Variants in AKAP6 observed in about 807,000 individuals in gnomAD.
AKAP6 encodes the protein A-kinase anchor protein 6.
In AKAP6, 58 loss-of-function variants were observed where a neutral mutation model predicts 188.5. The observed-to-expected ratio is 0.31, with a 90% confidence interval of 0.25 to 0.38. The LOEUF is 0.38. Among genes scored for constraint, AKAP6 ranks in the 10% least tolerant of loss-of-function variants. The pLI, the probability that AKAP6 is intolerant of heterozygous loss-of-function variation, is 1.00. For synonymous variants in AKAP6, 989 were observed against 998.6 expected (o/e 0.99, Z 0.18); for missense variants, 2,710 against 2,740.0 (o/e 0.99, Z 0.24).
At chr14:32,794,041 G>T (rs1445151612) in intron 12 of AKAP6, among the ~76,000 whole-genome samples, 1 of 152,162 alleles carries the variant, frequency 6.6e-6, no homozygotes, top group Non-Finnish European at 1.5e-5. Flanking sequence ...CAAAACAACA[G>T]AATATACATT....
At chr14:32,575,184 C>A (rs1457701016) in intron 4 of AKAP6, among the ~76,000 whole-genome samples, 3 of 152,070 alleles carry the variant, frequency 2.0e-5, no homozygotes, top group Non-Finnish European at 4.4e-5. Flanking sequence ...AAGCAACTCT[C>A]AAATTTATGC....
intron 7 of AKAP6, among the ~76,000 whole-genome samples, chr14:32,629,600 C>T: frequency 6.6e-6 from 1 of 151,368 alleles, no homozygotes; most frequent in Admixed American, 6.6e-5. Flanking sequence ...GAGGGGCCAA[C>T]CCTAAGCTTT....
chr14:32,808,689 T>A (rs1336514971), intron 12 of AKAP6, among the ~76,000 whole-genome samples: 1 of 152,224 alleles, frequency 6.6e-6, no homozygotes, highest in Non-Finnish European at 1.5e-5. Flanking sequence ...CCGTTTTTTT[T>A]CTTTCTGAGC....
intron 2 of AKAP6, among the ~76,000 whole-genome samples, chr14:32,528,462 C>A (rs553684775): frequency 2.0e-5 from 3 of 152,194 alleles, no homozygotes; most frequent in African/African-American, 7.2e-5. Flanking sequence ...GCCTTTGCTC[C>A]TTTGTCAAAG....
intron 7 of AKAP6, among the ~76,000 whole-genome samples, chr14:32,628,534 G>A (rs894040481): frequency 6.6e-6 from 1 of 151,952 alleles, no homozygotes; most frequent in African/African-American, 2.4e-5. Context: ...CTGGACCACT[G>A]AAAGGTTTAG....
At chr14:32,454,576 C>T (rs1054077556) in intron 2 of AKAP6, among the ~76,000 whole-genome samples, 25 of 152,136 alleles carry the variant, frequency 1.6e-4, no homozygotes, top group Middle Eastern at 3.2e-3. Flanking sequence ...AGGACTAATG[C>T]TGGAGCAGAC....
intron 12 of AKAP6, among the ~76,000 whole-genome samples, chr14:32,809,150 C>G (rs1446572267): frequency 6.6e-6 from 1 of 152,182 alleles, no homozygotes; most frequent in East Asian, 1.9e-4. Flanking sequence ...GCTGAGAAAG[C>G]TGGCGCATTT....
intron 2 of AKAP6, among the ~76,000 whole-genome samples, chr14:32,519,266 C>T (rs1881690648): frequency 6.6e-6 from 1 of 152,160 alleles, no homozygotes; most frequent in South Asian, 2.1e-4. Context: ...ACCATTGAGG[C>T]TAGGAAGTAA....
chr14:32,811,426 A>C (rs1456538090), intron 12 of AKAP6, among the ~76,000 whole-genome samples: 1 of 152,152 alleles, frequency 6.6e-6, no homozygotes, highest in Non-Finnish European at 1.5e-5. Flanking sequence ...AAACAAGAAC[A>C]GTAATGACAT....
At chr14:32,718,226 A>G in intron 9 of AKAP6, 1 of 934,678 alleles carries the variant, frequency 1.1e-6, no homozygotes, top group Non-Finnish European at 1.3e-6. Context: ...TAATATTACT[A>G]ACTTTCCCCA....
At position 32,823,125 on chromosome 14, in the gene AKAP6, A is replaced by G; in HGVS notation, c.5312A>G (p.Lys1771Arg). ...LTLTEEELCIKDEDDDSSIAT... is the reference protein window; with the variant it reads ...LTLTEEELCIRDEDDDSSIAT... ...TTGACTGAAGAAGAGCTGTGCATCA[A>G]AGATGAGGATGACGACTCCAGTATT... is the stretch of plus-strand genomic sequence containing the variant. Residue 1771 changes from lysine to arginine, a missense_variant, in exon 13 of 14, where the codon AAA becomes AGA. Lys to Arg is a conservative substitution (Grantham distance 26, BLOSUM62 2). Transcript: ENST00000280979. 1 of 1,613,798 alleles carries G rather than the reference A, an allele frequency of 6.2e-7. No homozygotes were observed. The highest frequency in any genetic ancestry group is 8.5e-7 in the Non-Finnish European group (1 of 1,179,878).
At chr14:32,828,602 A>T (rs2034744320) in intron 13 of AKAP6, among the ~76,000 whole-genome samples, 1 of 151,420 alleles carries the variant, frequency 6.6e-6, no homozygotes, top group Non-Finnish European at 1.5e-5. Flanking sequence ...GCCTCAGCCA[A>T]TTGGCCTGCC....
At chr14:32,387,153 C>G (rs1480083022) in intron 1 of AKAP6, among the ~76,000 whole-genome samples, 1 of 152,050 alleles carries the variant, frequency 6.6e-6, no homozygotes, top group East Asian at 1.9e-4. Context: ...TTTCTGAAAA[C>G]TGTGCTGAAT....
At chr14:32,698,950 C>T (rs1039867725) in intron 9 of AKAP6, among the ~76,000 whole-genome samples, 1 of 151,992 alleles carries the variant, frequency 6.6e-6, no homozygotes, top group East Asian at 1.9e-4. Flanking sequence ...CATTTAAAAC[C>T]TTTGTTCTTC....
At chr14:32,646,978 A>AAAGGCAC (rs1363601173) in intron 7 of AKAP6, among the ~76,000 whole-genome samples, 1 of 152,160 alleles carries the variant, frequency 6.6e-6, no homozygotes, top group Non-Finnish European at 1.5e-5. Context: ...AGTTCATAGG[A>AAAGGCAC]AAGGCACTAC....
Position 32,545,455 on chromosome 14 carries a change from C to T in AKAP6, c.802C>T (p.Leu268Phe). Residue 268 changes from leucine to phenylalanine, a missense_variant, in exon 4 of 14, where the codon CTT becomes TTT. This residue lies in a region of AKAP6 where 2,473 missense variants were observed against 2,426.1 expected (regional missense o/e 1.02). Coordinates refer to ENST00000280979, the MANE Select transcript of AKAP6 (RefSeq NM_004274.5). ...TGAGATGGAAAAGGAGTTTCCTGAG[C>T]TTATCCGAAGTGTTGGTTTACTTAC... ...YSEMEKEFPE[L>F]IRSVGLLTVA... 1.2e-6 allele frequency: 2 copies of T among 1,614,216 alleles called. No homozygotes were observed. Among genetic ancestry groups the T allele is most frequent in the Non-Finnish European group, 1.7e-6 (2 of 1,180,026 alleles).
At chr14:32,765,389 C>T (rs2139962161) in intron 11 of AKAP6, among the ~76,000 whole-genome samples, 1 of 152,178 alleles carries the variant, frequency 6.6e-6, no homozygotes, top group South Asian at 2.1e-4. Flanking sequence ...ATACTAACAC[C>T]ACAATAGATT....
intron 12 of AKAP6, among the ~76,000 whole-genome samples, chr14:32,786,518 G>A (rs2033427326): frequency 6.6e-6 from 1 of 151,466 alleles, no homozygotes. Context: ...TAGAGATGGG[G>A]TTTTACCGTG....
intron 2 of AKAP6, among the ~76,000 whole-genome samples, chr14:32,435,506 A>G (rs1487822791): frequency 2.0e-5 from 3 of 152,176 alleles, no homozygotes; most frequent in Non-Finnish European, 4.4e-5. Context: ...CTAGGGTTGT[A>G]TGTATTTTTC....
Sources: allele counts gnomAD v4.1 joint callset (sites outside exome capture counted in the v4.1 genomes callset), GRCh38; gene constraint gnomAD v4.1.1; regional missense constraint gnomAD v4.1.1; transcripts MANE v1.5; gene names NCBI Gene and HGNC (gene_info 2026-07-23, HGNC 2026-07-21).